Variants in ARIH2 observed in about 807,000 individuals in gnomAD.
ARIH2 encodes ariadne RBR E3 ubiquitin protein ligase 2, also known as E3 ubiquitin-protein ligase ARIH2.
In ARIH2, 12 loss-of-function variants were observed where a neutral mutation model predicts 79.8. The ratio of observed to expected loss-of-function variants is 0.15; its 90% confidence interval spans 0.10 to 0.24. The LOEUF (loss-of-function observed/expected upper bound fraction) is 0.24, where lower values mean the gene tolerates loss of function less well. Ranked by LOEUF, ARIH2 falls within the 10% of genes least tolerant of loss-of-function variation. ARIH2 has a pLI of 1.00. For synonymous variants in ARIH2, 224 were observed against 213.9 expected (o/e 1.05, Z -0.41); for missense variants, 301 against 618.3 (o/e 0.49, Z 5.44).
intron 3 of ARIH2, among the ~76,000 whole-genome samples, chr3:48,958,633 C>T (rs1306901277): frequency 1.3e-5 from 2 of 151,792 alleles, no homozygotes; most frequent in East Asian, 1.9e-4. Context: ...TGCTTGAACC[C>T]GGGAGGCAGA....
intron 11 of ARIH2, among the ~76,000 whole-genome samples, chr3:48,975,651 A>G (rs1576523762): frequency 6.6e-6 from 1 of 151,140 alleles, no homozygotes; most frequent in East Asian, 2.0e-4. Flanking sequence ...TGCAACCTCC[A>G]TCTCCTGGGT....
chr3:48,926,202 G>A (rs1284419424), intron 2 of ARIH2, among the ~76,000 whole-genome samples: 2 of 151,826 alleles, frequency 1.3e-5, no homozygotes, highest in African/African-American at 2.4e-5. Flanking sequence ...GTAACATTTC[G>A]CTGTTTGCGG....
intron 3 of ARIH2, among the ~76,000 whole-genome samples, chr3:48,929,031 A>G (rs949601580): frequency 6.6e-6 from 1 of 152,156 alleles, no homozygotes; most frequent in Non-Finnish European, 1.5e-5. Context: ...CTTCCTCACC[A>G]TGCACACCTC....
chr3:48,918,858 C>G lies in ARIH2; in HGVS notation c.-302C>G. On this transcript the variant is annotated 5_prime_UTR_variant, in exon 1 of 16. Transcript: ENST00000356401. ...AGCACTTCCGGAGCTGTGGGGACGA[C>G]TCTTCTGGAGGAAGCAGCGCGGGCT... The G allele has an allele frequency of 1.9e-6, 3 of 1,610,900 alleles. No individual in the cohort carries two copies. The highest frequency in any genetic ancestry group is 2.5e-6 in the Non-Finnish European group (3 of 1,179,638).
intron 3 of ARIH2, among the ~76,000 whole-genome samples, chr3:48,946,232 G>C (rs569082143): frequency 6.6e-6 from 1 of 152,034 alleles, no homozygotes; most frequent in Non-Finnish European, 1.5e-5. Context: ...AGTCCTGCTT[G>C]TGAAGCAGGC....
At position 48,972,954 on chromosome 3, in the gene ARIH2, G is replaced by A. The variant is rs536500043; in HGVS notation, c.771-745G>A. Among the ~76,000 whole-genome samples the A allele has an allele frequency of 3.3e-5, 5 of 152,210 alleles. No individual in the cohort carries two copies. The South Asian group carries it at 1.0e-3, about 32-fold the overall frequency. ...GGTTTCAAACTCCTGGGCTCAAGCAGTCCTCCCATCTCAACCTTCCATAGT... is the reference window on the plus strand; with the variant it reads ...GGTTTCAAACTCCTGGGCTCAAGCAATCCTCCCATCTCAACCTTCCATAGT... On this transcript the variant is annotated intron_variant, in intron 8 of 15. Transcript: ENST00000356401.
chr3:48,929,706 C>G (rs1315929910), intron 3 of ARIH2, among the ~76,000 whole-genome samples: 1 of 152,194 alleles, frequency 6.6e-6, no homozygotes, highest in African/African-American at 2.4e-5. Context: ...TGTCTTGTAC[C>G]TTATCTCCTC....
chr3:48,943,169 C>T (rs1441238692), intron 3 of ARIH2: 1 of 152,114 alleles, frequency 6.6e-6, no homozygotes. Context: ...CTGATACATC[C>T]ACTAAAAGTA....
At chr3:48,954,311 C>A (rs533109891) in intron 3 of ARIH2, among the ~76,000 whole-genome samples, 2 of 152,130 alleles carry the variant, frequency 1.3e-5, no homozygotes, top group East Asian at 3.9e-4. Context: ...GTGGTGGGCA[C>A]CTGTAGTCCC....
At position 48,973,831 on chromosome 3, in the gene ARIH2, T is replaced by C. The variant is rs556589854; in HGVS notation, c.888+15T>C. On this transcript the variant is annotated intron_variant, in intron 9 of 15. Coordinates refer to ENST00000356401, the MANE Select transcript of ARIH2 (RefSeq NM_006321.4). ...ACACTAAAGACGTAAGGACCGTATTTTACCTCTCATGGATTTGCCCTCCTT... is the reference window on the plus strand; with the variant it reads ...ACACTAAAGACGTAAGGACCGTATTCTACCTCTCATGGATTTGCCCTCCTT... 1 of 1,588,774 alleles carries C rather than the reference T, an allele frequency of 6.3e-7. No individual in the cohort carries two copies. Among genetic ancestry groups the C allele is most frequent in the African/African-American group, 1.3e-5 (1 of 74,492 alleles).
intron 3 of ARIH2, among the ~76,000 whole-genome samples, chr3:48,951,244 G>A (rs1052543530): frequency 2.6e-5 from 4 of 152,100 alleles, no homozygotes; most frequent in South Asian, 2.1e-4. Flanking sequence ...GATTACAAGC[G>A]TGAGCCAGTG....
At chr3:48,964,540 C>T (rs918348666) in intron 4 of ARIH2, among the ~76,000 whole-genome samples, 2 of 151,964 alleles carry the variant, frequency 1.3e-5, no homozygotes, top group African/African-American at 2.4e-5. Context: ...GTCTCAAACT[C>T]CTGACCTCAA....
At chr3:48,953,387 AT>A (rs1473315016) in intron 3 of ARIH2, among the ~76,000 whole-genome samples, 1 of 152,146 alleles carries the variant, frequency 6.6e-6, no homozygotes, top group African/African-American at 2.4e-5. Context: ...GTTATTAAAC[AT>A]GATTATTCAT....
intron 3 of ARIH2, among the ~76,000 whole-genome samples, chr3:48,953,203 TACAGG>T (rs2107425509): frequency 6.6e-6 from 1 of 152,266 alleles, no homozygotes; most frequent in South Asian, 2.1e-4. Flanking sequence ...GTGCTGGCAT[TACAGG>T]TGTAAGCCAC....
intron 3 of ARIH2, among the ~76,000 whole-genome samples, chr3:48,929,158 T>C (rs2086035097): frequency 6.6e-6 from 1 of 152,186 alleles, no homozygotes; most frequent in African/African-American, 2.4e-5. Context: ...AAAAATAATA[T>C]TAGGAATTAT....
chr3:48,923,397 C>CT (rs2085106082), intron 2 of ARIH2, among the ~76,000 whole-genome samples: 1 of 144,230 alleles, frequency 6.9e-6, no homozygotes, highest in Admixed American at 7.0e-5. Context: ...GAGACTCTGT[C>CT]TCAAAAAAAA....
intron 3 of ARIH2, among the ~76,000 whole-genome samples, chr3:48,939,243 C>T (rs182181631): frequency 5.1e-4 from 78 of 151,946 alleles, no homozygotes; most frequent in Admixed American, 2.8e-3. Context: ...GCTGGGATTA[C>T]GGGGGCGCCT....
At chr3:48,939,806 A>C (rs2087806979) in intron 3 of ARIH2, among the ~76,000 whole-genome samples, 1 of 151,586 alleles carries the variant, frequency 6.6e-6, no homozygotes, top group African/African-American at 2.4e-5. Context: ...AAAAAAACTG[A>C]AGTAATAATC....
At position 48,973,655 on chromosome 3, in the gene ARIH2, C is replaced by T. The variant is rs144139284; in HGVS notation, c.771-44C>T. The T allele has an allele frequency of 9.6e-4, 1,418 of 1,470,066 alleles. 11 individuals carry two copies. In the African/African-American group the frequency reaches 0.018, roughly 18 times the overall value. 91.1% of individuals were successfully genotyped at this position (1,470,066 alleles called of 1,614,324 possible). A position where few individuals can be genotyped will look rare whatever the true frequency, so the allele number is the denominator to read the frequency against. The stretch of plus-strand genomic sequence containing the variant: ...AAAGGAAAATTTTGAACATGGGACC[C>T]TGACTTAATGAATATTTGAATGTTT... On this transcript the variant is annotated intron_variant, in intron 8 of 15. Coordinates refer to ENST00000356401, the MANE Select transcript of ARIH2 (RefSeq NM_006321.4).
Sources: gnomAD v4.1 joint callset for allele counts (sites outside exome capture counted in the v4.1 genomes callset) on GRCh38, gnomAD v4.1.1 for gene constraint, MANE v1.5 for transcripts, NCBI Gene and HGNC (gene_info 2026-07-23, HGNC 2026-07-21) for gene names.